MORN1: variants seen among roughly 807,000 people sequenced by gnomAD.
The protein encoded by MORN1 is MORN repeat-containing protein 1.
MORN1 carries 67 observed loss-of-function variants against 61.9 expected under a neutral mutation model. The observed-to-expected ratio is 1.08, with a 90% CI of 0.89 to 1.33. The LOEUF (loss-of-function observed/expected upper bound fraction) is 1.33, where lower values mean the gene tolerates loss of function less well. MORN1 is among the 40% of genes most tolerant of loss of function. The pLI is 0.00. For synonymous variants in MORN1, 301 were observed against 292.0 expected (o/e 1.03, Z -0.31); for missense variants, 752 against 691.2 (o/e 1.09, Z -0.99).
intron 8 of MORN1, among the ~76,000 whole-genome samples, chr1:2,369,373 AAAGAAGACAGACAATAGC>A (rs1433848493): frequency 1.3e-5 from 2 of 151,590 alleles, no homozygotes; most frequent in African/African-American, 4.8e-5. Context: ...AAAAAAAAAA[AAAGAAGACAGACAATAGC>A]AAGTACTGAG....
intron 8 of MORN1, among the ~76,000 whole-genome samples, chr1:2,368,601 C>T (rs1006797477): frequency 2.6e-5 from 4 of 152,136 alleles, no homozygotes; most frequent in Non-Finnish European, 5.9e-5. Context: ...GTGTCTGAGC[C>T]CCACTTCTGG....
chr1:2,335,786 A>G (rs878930161), intron 12 of MORN1, among the ~76,000 whole-genome samples: 3 of 147,820 alleles, frequency 2.0e-5, no homozygotes, highest in African/African-American at 8.0e-5. Context: ...GGCTGGTGGG[A>G]CGGGTCCCCA....
At chr1:2,348,163 T>C (rs1055216483) in intron 10 of MORN1, among the ~76,000 whole-genome samples, 3 of 152,248 alleles carry the variant, frequency 2.0e-5, no homozygotes, top group Admixed American at 2.0e-4. Context: ...CTGACTGCCA[T>C]GGTCCTGGCG....
At chr1:2,322,852 C>T (rs945184924) in intron 13 of MORN1, 20 of 985,308 alleles carry the variant, frequency 2.0e-5, no homozygotes, top group Non-Finnish European at 2.2e-5. Context: ...GGCGTCCCGG[C>T]GGATGGGAAG....
intron 5 of MORN1, chr1:2,385,475 C>T (rs1642472863): frequency 2.6e-6 from 1 of 379,078 alleles, no homozygotes; most frequent in Non-Finnish European, 4.8e-6. Flanking sequence ...GCACCCCCAT[C>T]CTCATTTAGA....
chr1:2,341,035 G>GC (rs1211841712), intron 10 of MORN1, among the ~76,000 whole-genome samples: 1 of 152,214 alleles, frequency 6.6e-6, no homozygotes, highest in East Asian at 1.9e-4. Context: ...GGCCCCTCTG[G>GC]CCCTGGCACT....
At chr1:2,391,356 A>C in intron 1 of MORN1, 102 bp downstream of exon 1, 1 of 1,210,784 alleles carries the variant, frequency 8.3e-7, no homozygotes, top group Non-Finnish European at 1.0e-6. Context: ...CTGGACCTCT[A>C]CTTTCCGAGG....
rs1455155568 is a variant in MORN1, at chr1:2,321,936, C to T, written c.1298-357G>A. The T allele has an allele frequency of 4.6e-6, 4 of 876,280 alleles. No individual in the cohort carries two copies. The Admixed American group carries it at 1.9e-4, about 41-fold the overall frequency. The allele number at this position is 876,280 out of a possible 1,614,324, so 54.3% of individuals were successfully genotyped here. A position where few individuals can be genotyped will look rare whatever the true frequency, so the allele number is the denominator to read the frequency against. Reference sequence around the variant, plus strand: ...CCCACTGCTGACCTGGCTACAGGTCCCTGAAGGATTCTTTTGCAAATACTT... The same window carrying T: ...CCCACTGCTGACCTGGCTACAGGTCTCTGAAGGATTCTTTTGCAAATACTT... On this transcript the variant is annotated intron_variant, in intron 13 of 13. Transcript: ENST00000378531.
intron 13 of MORN1, chr1:2,322,017 T>C (rs1452736821): frequency 1.0e-6 from 1 of 985,070 alleles, no homozygotes; most frequent in Non-Finnish European, 1.2e-6. Context: ...TTTTTAAAAA[T>C]AACGAACCCT....
intron 10 of MORN1, among the ~76,000 whole-genome samples, chr1:2,356,138 TG>T (rs1641763421): frequency 6.6e-6 from 1 of 151,966 alleles, no homozygotes; most frequent in Non-Finnish European, 1.5e-5. Context: ...CCTTGGCACT[TG>T]GGGAGGCGGC....
At chr1:2,333,917 T>C (rs1156381062) in intron 12 of MORN1, among the ~76,000 whole-genome samples, 1 of 151,670 alleles carries the variant, frequency 6.6e-6, no homozygotes, top group African/African-American at 2.4e-5. Context: ...AGAACAGCTT[T>C]CTTAGAATTC....
Position 2,337,444 on chromosome 1 carries a change from G to A in MORN1, c.1037-594C>T, listed in dbSNP as rs887453208. 4.6e-5 allele frequency among the ~76,000 whole-genome samples: 7 copies of A among 152,232 alleles called. No individual in the cohort carries two copies. Among genetic ancestry groups the A allele is most frequent in the African/African-American group, 1.7e-4 (7 of 41,554 alleles). On this transcript the variant is annotated intron_variant, in intron 10 of 13. Transcript: ENST00000378531. The surrounding 1 kb of genome is among the most constrained non-coding windows in gnomAD (Gnocchi z 5.7). ...GCGGGCTCAGCCTGTGCATCCCTCA[G>A]TGGGACCCCTGCAGGCCCTTGCCCA...
intron 8 of MORN1, among the ~76,000 whole-genome samples, chr1:2,367,436 A>G (rs1642021331): frequency 6.6e-6 from 1 of 150,552 alleles, no homozygotes; most frequent in Non-Finnish European, 1.5e-5. Flanking sequence ...CCTGGGCAAC[A>G]TAGTGAGATT....
chr1:2,324,016 C>G, intron 13 of MORN1, 81 bp downstream of exon 13: 1 of 1,498,274 alleles, frequency 6.7e-7, no homozygotes, highest in Non-Finnish European at 8.9e-7. Context: ...TTCCCCCAAC[C>G]CCACCTCCAG....
intron 10 of MORN1, among the ~76,000 whole-genome samples, chr1:2,345,474 C>T (rs1320003718): frequency 6.6e-6 from 1 of 152,234 alleles, no homozygotes; most frequent in Non-Finnish European, 1.5e-5. Flanking sequence ...CTCTGAACAA[C>T]AAGGGCCAGG....
intron 10 of MORN1, among the ~76,000 whole-genome samples, chr1:2,354,507 C>T (rs371092999): frequency 5.9e-5 from 9 of 152,104 alleles, no homozygotes; most frequent in African/African-American, 1.9e-4. Flanking sequence ...GTGGAGGCTG[C>T]GATGAGCCGA....
chr1:2,331,901 T>G (rs1446201786), intron 12 of MORN1, among the ~76,000 whole-genome samples: 1 of 99,426 alleles, frequency 1.0e-5, no homozygotes. Context: ...CGCCTCTCCC[T>G]CGTGCGCCTC....
chr1:2,363,103 T>A (rs1432774667), intron 8 of MORN1: 4 of 152,162 alleles, frequency 2.6e-5, no homozygotes, highest in Admixed American at 1.3e-4. Context: ...ACCTAAGTGG[T>A]CATTTAAATA....
At chr1:2,390,429 GCCTCCTAT>G in intron 1 of MORN1, 1 of 985,376 alleles carries the variant, frequency 1.0e-6, no homozygotes, top group Non-Finnish European at 1.2e-6. Context: ...CCCTTCAGTG[GCCTCCTAT>G]CGCTGGGGAG....
Sources: allele counts gnomAD v4.1 joint callset (sites outside exome capture counted in the v4.1 genomes callset), GRCh38; gene constraint gnomAD v4.1.1; non-coding constraint Gnocchi (gnomAD v3.1); transcripts MANE v1.5; gene names NCBI Gene and HGNC (gene_info 2026-07-23, HGNC 2026-07-21).